Variants in ANKRD30A observed in about 807,000 individuals in gnomAD.
The protein encoded by ANKRD30A is ankyrin repeat domain-containing protein 30A.
In ANKRD30A, 170 loss-of-function variants were observed where a neutral mutation model predicts 166.3. The observed-to-expected ratio is 1.02, with a 90% confidence interval of 0.90 to 1.16. ANKRD30A has a LOEUF of 1.16. ANKRD30A is among the 50% of genes most tolerant of loss of function. ANKRD30A has a pLI of 0.00. For missense variants in ANKRD30A, 1,630 were observed against 1,518.0 expected, an observed-to-expected ratio of 1.07 and a Z score of -1.23; for synonymous variants, 564 against 508.9, an observed-to-expected ratio of 1.11 and a Z score of -1.46.
the ANKRD30A span, among the ~76,000 whole-genome samples, chr10:37,259,640 A>C: frequency 6.6e-6 from 1 of 152,258 alleles, no homozygotes; most frequent in Admixed American, 6.5e-5. Context: ...GTATTCTTAC[A>C]ATAAAATACT....
At position 37,147,465 on chromosome 10, in the gene ANKRD30A, C is replaced by G; in HGVS notation, c.1543+8C>G. The G allele has an allele frequency of 6.5e-7, 1 of 1,538,538 alleles. No homozygotes were observed. Among genetic ancestry groups the G allele is most frequent in the African/African-American group, 1.4e-5 (1 of 71,968 alleles). Reference sequence around the variant, plus strand: ...TAAATAGAGAAGTAGAAGGTAAGAACGATTTTTTATTTGAAAAGTCTTTTA... The same window carrying G: ...TAAATAGAGAAGTAGAAGGTAAGAAGGATTTTTTATTTGAAAAGTCTTTTA... On this transcript the variant is annotated splice_region_variant and intron_variant, in intron 9 of 35. Coordinates refer to ENST00000361713, the MANE Select transcript of ANKRD30A (RefSeq NM_052997.3).
the ANKRD30A span, among the ~76,000 whole-genome samples, chr10:37,251,176 G>C: frequency 3.3e-5 from 5 of 152,196 alleles, no homozygotes; most frequent in African/African-American, 9.7e-5. Flanking sequence ...GGCAAGAGTA[G>C]GGGCTGCTAT....
chr10:37,145,130 T>G, intron 8 of ANKRD30A, 74 bp downstream of exon 8: 1 of 1,202,260 alleles, frequency 8.3e-7, no homozygotes, highest in South Asian at 1.5e-5. Flanking sequence ...GTCAGAGGCT[T>G]TGACTTGGTT....
In ANKRD30A at chr10:37,201,163, T is replaced by G. The variant is rs189818484; in HGVS notation, c.2779-72T>G. ...ACTTTTTTTTAAAAAAAGATTTTAA[T>G]TAGGAAATTTTGATAATCTTCATTA... On this transcript the variant is annotated intron_variant, in intron 30 of 35. Transcript: ENST00000361713. 28 of 1,243,050 alleles carry G rather than the reference T, an allele frequency of 2.3e-5. No homozygotes were observed. In the Admixed American group the frequency reaches 6.1e-4, roughly 27 times the overall value. The allele number at this position is 1,243,050 out of a possible 1,614,324, so 77.0% of individuals were successfully genotyped here.
At chr10:37,127,537 T>G (rs1391927242) in intron 1 of ANKRD30A, among the ~76,000 whole-genome samples, 1 of 152,120 alleles carries the variant, frequency 6.6e-6, no homozygotes, top group Non-Finnish European at 1.5e-5. Context: ...CATATTAGAT[T>G]TAAAAATCTT....
chr10:37,192,161 C>G (rs1450170741), intron 25 of ANKRD30A, among the ~76,000 whole-genome samples: 2 of 151,942 alleles, frequency 1.3e-5, no homozygotes, highest in Non-Finnish European at 2.9e-5. Context: ...CTCAGGCACC[C>G]AAGTAGCTGA....
intron 15 of ANKRD30A, among the ~76,000 whole-genome samples, 163 bp downstream of exon 15, chr10:37,158,749 T>A (rs913363535): frequency 3.9e-5 from 6 of 152,202 alleles, no homozygotes; most frequent in African/African-American, 9.6e-5. Flanking sequence ...AAATGCCATT[T>A]ACAAGCATAA....
chr10:37,229,262 T>G (rs1300486145), intron 34 of ANKRD30A, among the ~76,000 whole-genome samples: 1 of 151,976 alleles, frequency 6.6e-6, no homozygotes, highest in Admixed American at 6.6e-5. Flanking sequence ...TCTCCTGTTT[T>G]GAGTGAGGAT....
chr10:37,265,704 G>A, the ANKRD30A span, among the ~76,000 whole-genome samples: 3 of 152,200 alleles, frequency 2.0e-5, no homozygotes, highest in Admixed American at 1.3e-4. Context: ...TTCCACCGAC[G>A]TTTAAAGGAG....
At position 37,189,777 on chromosome 10, in the gene ANKRD30A, T is replaced by C. The variant is rs2132650384; in HGVS notation, c.2512+220T>C. Among the ~76,000 whole-genome samples, 2 of 150,608 alleles carry C rather than the reference T, an allele frequency of 1.3e-5. 1 individual carries two copies. Among genetic ancestry groups the C allele is most frequent in the African/African-American group, 4.9e-5 (2 of 40,790 alleles). The stretch of plus-strand genomic sequence containing the variant: ...CTGAATTACTAGTTTAAATTCAAGA[T>C]ATTCCAAGACGTGAGGAAAATGAGA... On this transcript the variant is annotated intron_variant, in intron 25 of 35. Transcript: ENST00000361713.
At position 37,133,990 on chromosome 10, in the gene ANKRD30A, T is replaced by C. The variant is rs757938063; in HGVS notation, c.692T>C (p.Val231Ala). 6.2e-7 allele frequency: 1 copy of C among 1,614,112 alleles called. No homozygotes were observed. The highest frequency in any genetic ancestry group is 1.1e-5 in the South Asian group (1 of 91,076). ...ATGCTTCTTCAGCAAAATGTTGACG[T>C]CTTTGCTGCAGATATATGTGGAGTA... is the stretch of plus-strand genomic sequence containing the variant. The part of the protein sequence containing the change: ...VGMLLQQNVD[V>A]FAADICGVTA... Residue 231 changes from valine (V) to alanine (A), a missense_variant, in exon 5 of 36, where the codon GTC becomes GCC. Physicochemically the swap from Val to Ala is moderately conservative, Grantham distance 64. Transcript: ENST00000361713.
chr10:37,238,978 A>G, the ANKRD30A span, among the ~76,000 whole-genome samples: 2 of 152,086 alleles, frequency 1.3e-5, no homozygotes, highest in East Asian at 3.9e-4. Flanking sequence ...TTGTCCGAAA[A>G]TGGTGAAGGC....
At position 37,217,692 on chromosome 10, in the gene ANKRD30A, C is replaced by A; in HGVS notation, c.3084-3C>A. ...ATTTTAAGATAAGTATGTTTAATGG[C>A]AGATTGACTTTAAACCAAGAAGAAG... On this transcript the variant is annotated splice_region_variant and splice_polypyrimidine_tract_variant and intron_variant, in intron 32 of 35. Transcript: ENST00000361713. 3 of 1,530,744 alleles carry A rather than the reference C, an allele frequency of 2.0e-6. No individual in the cohort carries two copies. The highest frequency in any genetic ancestry group is 1.3e-5 in the South Asian group (1 of 78,050). The allele number at this position is 1,530,744 out of a possible 1,614,324, so 94.8% of individuals were successfully genotyped here. A position where few individuals can be genotyped will look rare whatever the true frequency, so the allele number is the denominator to read the frequency against.
chr10:37,219,641 A>T lies in ANKRD30A; in HGVS notation c.3929A>T (p.Asn1310Ile). The change falls in exon 34 of 36, where the codon AAC becomes ATC. Residue 1310 changes from asparagine (N) to isoleucine (I), a missense_variant. By Grantham distance (149) the Asn-to-Ile change is moderately radical. This residue lies in a region of ANKRD30A where 712 missense variants were observed against 629.3 expected (regional missense o/e 1.13). Transcript: ENST00000361713. ...TATCAAAACGAACAAGATAATGTGA[A>T]CAAACACACTGAACAGCAGGAGTCT... Reference protein sequence around the residue: ...HMYQNEQDNVNKHTEQQESLD... With the variant: ...HMYQNEQDNVIKHTEQQESLD... The T allele has an allele frequency of 6.2e-7, 1 of 1,610,166 alleles. No homozygotes were observed. The highest frequency in any genetic ancestry group is 8.5e-7 in the Non-Finnish European group (1 of 1,177,580).
At position 37,216,196 on chromosome 10, in the gene ANKRD30A, C is replaced by T; in HGVS notation, c.2885C>T (p.Ser962Leu). 2 of 1,599,568 alleles carry T rather than the reference C, an allele frequency of 1.3e-6. No homozygotes were observed. The highest frequency in any genetic ancestry group is 1.1e-5 in the South Asian group (1 of 89,854). ...CTTGAGACAGATTCAACTAGCCTAT[C>T]AAAAATCTTGGATACAGTTCATTCT... Reference protein sequence around the residue: ...SGKLEDSTSLSKILDTVHSCE... With the variant: ...SGKLEDSTSLLKILDTVHSCE... The change falls in exon 32 of 36, where the codon TCA becomes TTA. Residue 962 changes from serine to leucine, a missense_variant. Ser to Leu is a moderately radical substitution (Grantham distance 145). This residue lies in a region of ANKRD30A where 712 missense variants were observed against 629.3 expected (regional missense o/e 1.13). Coordinates refer to ENST00000361713, the MANE Select transcript of ANKRD30A (RefSeq NM_052997.3).
chr10:37,179,833 C>T (rs1331156798), intron 24 of ANKRD30A, among the ~76,000 whole-genome samples: 10 of 98,416 alleles, frequency 1.0e-4, no homozygotes, highest in Non-Finnish European at 1.8e-4. Context: ...GTCTCCTTAT[C>T]AGTCAGCATA....
In ANKRD30A at chr10:37,126,024, T is replaced by G. The variant is rs1250386793; in HGVS notation, c.221+16T>G. On this transcript the variant is annotated intron_variant, in intron 1 of 35. Coordinates refer to ENST00000361713, the MANE Select transcript of ANKRD30A (RefSeq NM_052997.3). ...CCCAGAAGAGGTACCAGGCCCTGCC[T>G]GAGCCGGGGCTGCAGGAGGAGGTGG... 6.2e-7 allele frequency: 1 copy of G among 1,606,336 alleles called. No homozygotes were observed. Among genetic ancestry groups the G allele is most frequent in the Admixed American group, 1.7e-5 (1 of 59,756 alleles).
rs1837152146 is a variant in ANKRD30A at position 37,141,848 on chromosome 10, T to C, written c.951T>C (p.Ala317=). ...APLVERTPDT[A]ESLVEKTPDE... ...TGGTGGAAAGAACACCTGACACGGCTGAAAGCTTGGTGGAAAAAACACCTG... is the reference window on the plus strand; with the variant it reads ...TGGTGGAAAGAACACCTGACACGGCCGAAAGCTTGGTGGAAAAAACACCTG... The change falls in exon 7 of 36, where the codon GCT becomes GCC. Residue 317 remains alanine (A), a synonymous_variant. Coordinates refer to ENST00000361713, the MANE Select transcript of ANKRD30A (RefSeq NM_052997.3). The C allele has an allele frequency of 1.9e-6, 3 of 1,613,980 alleles. No individual in the cohort carries two copies. Among genetic ancestry groups the C allele is most frequent in the Admixed American group, 1.7e-5 (1 of 60,008 alleles).
the ANKRD30A span, among the ~76,000 whole-genome samples, chr10:37,239,824 G>A: frequency 6.6e-6 from 1 of 152,084 alleles, no homozygotes; most frequent in African/African-American, 2.4e-5. Context: ...CAATTCTCAT[G>A]TTAGGTATAG....
Sources: gnomAD v4.1 joint callset for allele counts (sites outside exome capture counted in the v4.1 genomes callset) on GRCh38, gnomAD v4.1.1 for gene constraint, gnomAD v4.1.1 regional missense constraint, MANE v1.5 for transcripts, NCBI Gene and HGNC (gene_info 2026-07-23, HGNC 2026-07-21) for gene names.